Variants in ANKRD55 observed in about 807,000 individuals in gnomAD.
ANKRD55 encodes ankyrin repeat domain 55, also known as ankyrin repeat domain-containing protein 55.
A neutral mutation model predicts 60.6 loss-of-function variants in ANKRD55; 41 were observed. The observed-to-expected ratio is 0.68, with a 90% confidence interval of 0.53 to 0.88. The LOEUF (loss-of-function observed/expected upper bound fraction) is 0.88. Ranked by LOEUF, ANKRD55 falls within the 40% of genes least tolerant of loss-of-function variation. The pLI is 0.00. For synonymous variants in ANKRD55, 264 were observed against 290.3 expected (o/e 0.91, Z 0.92); for missense variants, 732 against 767.6 (o/e 0.95, Z 0.55).
intron 2 of ANKRD55, among the ~76,000 whole-genome samples, chr5:56,187,410 G>C (rs1217055193): frequency 6.6e-6 from 1 of 152,236 alleles, no homozygotes; most frequent in East Asian, 1.9e-4. Context: ...CCAGGCATTC[G>C]AGCTGGCAAC....
At chr5:56,136,870 A>G (rs1322843947) in intron 7 of ANKRD55, 1 of 369,790 alleles carries the variant, frequency 2.7e-6, no homozygotes, top group Non-Finnish European at 5.2e-6. Context: ...GCAGTGAGCC[A>G]TGATTATGTC....
chr5:56,201,737 A>T (rs1294430953), intron 2 of ANKRD55, among the ~76,000 whole-genome samples: 3 of 152,212 alleles, frequency 2.0e-5, no homozygotes, highest in Non-Finnish European at 4.4e-5. Context: ...TAGTGGGGTG[A>T]TTCCTCAAAG....
At chr5:56,112,193 A>G (rs1448886276) in intron 9 of ANKRD55, among the ~76,000 whole-genome samples, 1 of 152,120 alleles carries the variant, frequency 6.6e-6, no homozygotes, top group East Asian at 1.9e-4. Flanking sequence ...GTTTGAGTTC[A>G]GGCTTCAATG....
At chr5:56,158,255 G>C (rs1487919750) in intron 6 of ANKRD55, among the ~76,000 whole-genome samples, 1 of 152,076 alleles carries the variant, frequency 6.6e-6, no homozygotes, top group Non-Finnish European at 1.5e-5. Flanking sequence ...CCGCCCCCTT[G>C]CCTATGGTCA....
chr5:56,185,848 C>T (rs1230551478), intron 2 of ANKRD55, among the ~76,000 whole-genome samples: 1 of 152,152 alleles, frequency 6.6e-6, no homozygotes, highest in Non-Finnish European at 1.5e-5. Flanking sequence ...TCATAAGTGC[C>T]GGTTGACCTG....
intron 6 of ANKRD55, among the ~76,000 whole-genome samples, chr5:56,145,164 A>G (rs529522440): frequency 6.6e-6 from 1 of 152,292 alleles, no homozygotes; most frequent in East Asian, 1.9e-4. Context: ...GTCTCACTTA[A>G]TCCTCCAAAC....
chr5:56,175,704 C>G (rs1758721339), intron 4 of ANKRD55, among the ~76,000 whole-genome samples: 1 of 152,070 alleles, frequency 6.6e-6, no homozygotes, highest in South Asian at 2.1e-4. Context: ...CAGTCCCTCC[C>G]ACCACCTTCC....
chr5:56,198,806 G>A (rs1198747469), intron 2 of ANKRD55, among the ~76,000 whole-genome samples: 2 of 152,008 alleles, frequency 1.3e-5, no homozygotes, highest in African/African-American at 4.8e-5. Context: ...GGGCTGGGCA[G>A]CGGTGGCTCA....
intron 3 of ANKRD55, among the ~76,000 whole-genome samples, chr5:56,181,389 C>T (rs772519508): frequency 3.3e-5 from 5 of 152,060 alleles, no homozygotes; most frequent in Admixed American, 6.6e-5. Flanking sequence ...AAGCTCTCGT[C>T]TATTCCTATT....
At chr5:56,221,668 A>G (rs772606978) in intron 2 of ANKRD55, among the ~76,000 whole-genome samples, 8 of 152,222 alleles carry the variant, frequency 5.3e-5, no homozygotes, top group Admixed American at 2.0e-4. Context: ...TTTTCCAACC[A>G]TCTTAGCAAA....
intron 2 of ANKRD55, among the ~76,000 whole-genome samples, chr5:56,191,838 C>T (rs1462771584): frequency 6.6e-6 from 1 of 152,074 alleles, no homozygotes; most frequent in Non-Finnish European, 1.5e-5. Context: ...AAGGAGCTTC[C>T]CTAGAAGTTA....
At position 56,143,897 on chromosome 5, in the gene ANKRD55, G is replaced by A. The variant is rs764381439; in HGVS notation, c.516C>T (p.His172=). ...GMTPLHWAAF[H]NQPQHTQMLL... is the part of the protein sequence containing the mutation. ...GCATTTGTGTGTGTTGAGGCTGGTTGTGGAAAGCCGCCCAGTGGAGTGGTG... is the reference window on the plus strand; with the variant it reads ...GCATTTGTGTGTGTTGAGGCTGGTTATGGAAAGCCGCCCAGTGGAGTGGTG... Residue 172 remains histidine, a synonymous_variant, in exon 7 of 12, where the codon CAC becomes CAT. Transcript: ENST00000341048. 14 of 1,613,990 alleles carry A rather than the reference G, an allele frequency of 8.7e-6. No homozygotes were observed. The highest frequency in any genetic ancestry group is 1.2e-5 in the Non-Finnish European group (14 of 1,180,042).
chr5:56,231,366 T>C (rs775194423), intron 2 of ANKRD55, among the ~76,000 whole-genome samples: 12 of 152,210 alleles, frequency 7.9e-5, no homozygotes, highest in Non-Finnish European at 1.5e-4. Context: ...GGTACAGCAC[T>C]GGAACATGTA....
intron 6 of ANKRD55, among the ~76,000 whole-genome samples, chr5:56,152,861 A>G (rs1758090760): frequency 6.6e-6 from 1 of 152,168 alleles, no homozygotes; most frequent in African/African-American, 2.4e-5. Flanking sequence ...TTAACATAAC[A>G]TAATCCAGTT....
intron 2 of ANKRD55, among the ~76,000 whole-genome samples, chr5:56,230,771 A>G (rs1379071670): frequency 1.3e-5 from 2 of 152,184 alleles, no homozygotes; most frequent in Admixed American, 6.5e-5. Context: ...AAAAATAATT[A>G]ATGTAATTTA....
chr5:56,114,692 G>C (rs1351013449), intron 9 of ANKRD55, among the ~76,000 whole-genome samples: 1 of 152,208 alleles, frequency 6.6e-6, no homozygotes, highest in African/African-American at 2.4e-5. Flanking sequence ...GTATTCTAAT[G>C]TGACAGAGTA....
intron 2 of ANKRD55, among the ~76,000 whole-genome samples, chr5:56,210,890 G>C (rs528962720): frequency 6.6e-6 from 1 of 152,128 alleles, no homozygotes; most frequent in African/African-American, 2.4e-5. Flanking sequence ...TCAGTTATTA[G>C]TTAATTCTCC....
chr5:56,196,915 G>T lies in ANKRD55; in HGVS notation c.59-13281C>A, dbSNP rs548714760. ...CAGCATCAACATCACCTGGGAACCT[G>T]TTGGAAATGCAACCTCTCTCAGGGC... On this transcript the variant is annotated intron_variant, in intron 2 of 11. Coordinates refer to ENST00000341048, the MANE Select transcript of ANKRD55 (RefSeq NM_024669.3). Among the ~76,000 whole-genome samples, 13 of 152,254 alleles carry T rather than the reference G, an allele frequency of 8.5e-5. No individual in the cohort carries two copies. The East Asian group carries it at 2.1e-3, about 25-fold the overall frequency.
chr5:56,150,630 C>T (rs566711953), intron 6 of ANKRD55, among the ~76,000 whole-genome samples: 8 of 151,892 alleles, frequency 5.3e-5, no homozygotes, highest in African/African-American at 1.9e-4. Context: ...GGGCGTGGTG[C>T]CTCACACCTG....
Sources: gnomAD v4.1 joint callset for allele counts (sites outside exome capture counted in the v4.1 genomes callset) on GRCh38, gnomAD v4.1.1 for gene constraint, MANE v1.5 for transcripts, NCBI Gene and HGNC (gene_info 2026-07-23, HGNC 2026-07-21) for gene names.